The following GABRG1 variants were observed in gnomAD, a reference collection of about 807,000 sequenced individuals.
GABRG1 encodes the protein gamma-aminobutyric acid receptor subunit gamma-1.
A neutral mutation model predicts 49.8 loss-of-function variants in GABRG1; 49 were observed. That is an observed-to-expected ratio of 0.98 (90% CI 0.78 to 1.25). The LOEUF (loss-of-function observed/expected upper bound fraction) is 1.25. GABRG1 is among the 50% of genes most tolerant of loss of function. GABRG1 has a pLI of 0.00. For missense variants in GABRG1, 552 were observed against 552.3 expected, an observed-to-expected ratio of 1.00 and a Z score of 0.01; for synonymous variants, 232 against 185.1, an observed-to-expected ratio of 1.25 and a Z score of -2.06.
chr4:46,090,287 C>G (rs1398777164), intron 2 of GABRG1, among the ~76,000 whole-genome samples: 1 of 152,032 alleles, frequency 6.6e-6, no homozygotes, highest in Non-Finnish European at 1.5e-5. Flanking sequence ...GATGCTATCA[C>G]AATTGTATAT....
In GABRG1 at chr4:46,039,195, T is replaced by G. The variant is rs1277834260; in HGVS notation, c.*1793A>C. On this transcript the variant is annotated 3_prime_UTR_variant, in exon 9 of 9. Transcript: ENST00000295452. ...AATGTTATTAAAATGAATGTATGAATAATCTGTAAATGAATATATAGATGG... is the reference window on the plus strand; with the variant it reads ...AATGTTATTAAAATGAATGTATGAAGAATCTGTAAATGAATATATAGATGG... 6.6e-6 allele frequency: 1 copy of G among 151,694 alleles called. No homozygotes were observed. Among genetic ancestry groups the G allele is most frequent in the Non-Finnish European group, 1.5e-5 (1 of 67,716 alleles). 9.4% of individuals were successfully genotyped at this position (151,694 alleles called of 1,614,324 possible).
In GABRG1 at chr4:46,058,492, C is replaced by A. The variant is rs139933358; in HGVS notation, c.756G>T (p.Thr252=). The change falls in exon 6 of 9, where the codon ACG becomes ACT. Residue 252 remains threonine, a synonymous_variant. Coordinates refer to ENST00000295452, the MANE Select transcript of GABRG1 (RefSeq NM_173536.4). ...GLRNSTEITH[T]ISGDYVIMTI... ...TTTGAGTATTCTTTTTACCAGAGAT[C>A]GTGTGAGTGATTTCAGTTGAGTTCC... 2.9e-4 allele frequency: 466 copies of A among 1,612,374 alleles called. 3 individuals are homozygous for A. The East Asian group carries it at 9.3e-3, about 32-fold the overall frequency.
intron 3 of GABRG1, among the ~76,000 whole-genome samples, chr4:46,073,300 T>A (rs2109415072): frequency 6.6e-6 from 1 of 152,092 alleles, no homozygotes; most frequent in Middle Eastern, 3.4e-3. Context: ...TTTCCCTCAT[T>A]TTAATTGAGA....
chr4:46,077,007 A>T (rs564117469), intron 3 of GABRG1, among the ~76,000 whole-genome samples: 1 of 151,642 alleles, frequency 6.6e-6, no homozygotes, highest in East Asian at 2.0e-4. Context: ...TCATTACTAA[A>T]TAATATGCAA....
chr4:46,123,414 TAAC>T (rs767777328), intron 1 of GABRG1, among the ~76,000 whole-genome samples: 2 of 152,092 alleles, frequency 1.3e-5, no homozygotes, highest in African/African-American at 2.4e-5. Flanking sequence ...TCATGCTGTG[TAAC>T]AACAAGTTTC....
At chr4:46,108,603 T>C (rs1720630162) in intron 1 of GABRG1, among the ~76,000 whole-genome samples, 1 of 150,946 alleles carries the variant, frequency 6.6e-6, no homozygotes, top group South Asian at 2.1e-4. Context: ...CCACTATCCT[T>C]ACCACTCTCC....
intron 1 of GABRG1, among the ~76,000 whole-genome samples, chr4:46,122,297 T>A (rs1560378986): frequency 6.6e-6 from 1 of 152,164 alleles, no homozygotes; most frequent in Non-Finnish European, 1.5e-5. Flanking sequence ...GCTTGCCTAT[T>A]TGTTTGAAAG....
At chr4:46,105,791 T>TA (rs1553883516) in intron 1 of GABRG1, among the ~76,000 whole-genome samples, 84 of 144,660 alleles carry the variant, frequency 5.8e-4, no homozygotes, top group African/African-American at 2.1e-3. Context: ...GGTAGATAGA[T>TA]GATAGATAGA....
intron 3 of GABRG1, among the ~76,000 whole-genome samples, chr4:46,074,956 T>C (rs6447495): frequency 0.57 from 85,849 of 151,412 alleles, 24,822 homozygotes; most frequent in African/African-American, 0.64. Context: ...GGGTGCTGAC[T>C]GAGTCACTTA....
Position 46,123,930 on chromosome 4 carries a change from C to G in GABRG1, c.-17G>C, listed in dbSNP as rs955003036. On this transcript the variant is annotated 5_prime_UTR_variant, in exon 1 of 9. Transcript: ENST00000295452. ...AGGACCCATCGGAATCGCTTTTTTA[C>G]GTGTGCTGCACTAGCTCAATTCTCC... is the stretch of plus-strand genomic sequence containing the variant. 6.3e-7 allele frequency: 1 copy of G among 1,586,416 alleles called. No individual in the cohort carries two copies. The highest frequency in any genetic ancestry group is 1.1e-5 in the South Asian group (1 of 90,372).
chr4:46,066,295 T>C (rs1313963904), intron 3 of GABRG1, among the ~76,000 whole-genome samples: 1 of 152,162 alleles, frequency 6.6e-6, no homozygotes, highest in Admixed American at 6.6e-5. Context: ...ACATTGTTTT[T>C]TGTCTAAAAA....
chr4:46,041,236 G>C lies in GABRG1; in HGVS notation c.1150C>G (p.Pro384Ala). 6.2e-7 allele frequency: 1 copy of C among 1,612,434 alleles called. No homozygotes were observed. Among genetic ancestry groups the C allele is most frequent in the Non-Finnish European group, 8.5e-7 (1 of 1,178,998 alleles). The stretch of plus-strand genomic sequence containing the variant: ...TTCATTGGAATCAGAGTGGATCCAG[G>C]ATGGAGACCAGGAGTCATCTGAGCA... ...NKASMTPGLHPGSTLIPMNNI... is the reference protein window; with the variant it reads ...NKASMTPGLHAGSTLIPMNNI... The change falls in exon 9 of 9, where the codon CCT becomes GCT. Residue 384 changes from proline (P) to alanine (A), a missense_variant. Pro to Ala is a conservative substitution (Grantham distance 27). Coordinates refer to ENST00000295452, the MANE Select transcript of GABRG1 (RefSeq NM_173536.4).
intron 1 of GABRG1, among the ~76,000 whole-genome samples, chr4:46,123,153 A>G (rs1270833902): frequency 4.0e-5 from 6 of 149,482 alleles, no homozygotes; most frequent in Non-Finnish European, 8.9e-5. Context: ...CAGAGCCAAG[A>G]CATTCATGTG....
In GABRG1 at chr4:46,037,305, T is replaced by C. The variant is rs913188178; in HGVS notation, c.*3683A>G. On this transcript the variant is annotated 3_prime_UTR_variant, in exon 9 of 9. Transcript: ENST00000295452. The stretch of plus-strand genomic sequence containing the variant: ...CCTTACATTAACTAGAGCAATGTGG[T>C]CAATAGTATTTGAAAACTCCATTTG... The C allele has an allele frequency of 2.0e-5, 3 of 151,850 alleles. No homozygotes were observed. Among genetic ancestry groups the C allele is most frequent in the African/African-American group, 7.2e-5 (3 of 41,404 alleles). The allele number at this position is 151,850 out of a possible 1,614,324, so 9.4% of individuals were successfully genotyped here.
rs1026180505 is a variant in GABRG1, at chr4:46,035,973, C to T, written c.*5015G>A. ...CTTTATTATACAAAGTGACTACAAA[C>T]ACTTAATAGATGCAAATAATTGTTA... On this transcript the variant is annotated 3_prime_UTR_variant, in exon 9 of 9. Coordinates refer to ENST00000295452, the MANE Select transcript of GABRG1 (RefSeq NM_173536.4). 2.0e-5 allele frequency: 3 copies of T among 151,844 alleles called. No individual in the cohort carries two copies. Among genetic ancestry groups the T allele is most frequent in the African/African-American group, 7.2e-5 (3 of 41,392 alleles). 9.4% of individuals were successfully genotyped at this position (151,844 alleles called of 1,614,324 possible).
At chr4:46,122,127 CCTGCA>C (rs1300368740) in intron 1 of GABRG1, among the ~76,000 whole-genome samples, 1 of 152,014 alleles carries the variant, frequency 6.6e-6, no homozygotes, top group African/African-American at 2.4e-5. Flanking sequence ...GGCTGCTAAA[CCTGCA>C]CTCTGTCCCT....
intron 5 of GABRG1, 45 bp downstream of exon 5, chr4:46,064,396 C>A: frequency 9.7e-7 from 1 of 1,033,490 alleles, no homozygotes; most frequent in Non-Finnish European, 1.4e-6. Flanking sequence ...TAAACAGCTT[C>A]TAAGGTTAAA....
At chr4:46,079,075 T>G (rs1719465876) in intron 3 of GABRG1, among the ~76,000 whole-genome samples, 1 of 151,242 alleles carries the variant, frequency 6.6e-6, no homozygotes, top group Admixed American at 6.6e-5. Flanking sequence ...AAGTTTTGTT[T>G]TTTTTTTTTC....
Position 46,036,630 on chromosome 4 carries a change from A to G in GABRG1, c.*4358T>C, listed in dbSNP as rs1000557429. On this transcript the variant is annotated 3_prime_UTR_variant, in exon 9 of 9. Transcript: ENST00000295452. ...TGTTAGTCAAAGCTTAATGTCTGCC[A>G]CTTTTCTTTCTATTTGGGCCTATCA... 1.1e-4 allele frequency: 17 copies of G among 152,008 alleles called. No homozygotes were observed. The highest frequency in any genetic ancestry group is 3.6e-4 in the African/African-American group (15 of 41,542). The allele number at this position is 152,008 out of a possible 1,614,324, so 9.4% of individuals were successfully genotyped here. A position where few individuals can be genotyped will look rare whatever the true frequency, so the allele number is the denominator to read the frequency against.
Sources: allele counts gnomAD v4.1 joint callset (sites outside exome capture counted in the v4.1 genomes callset), GRCh38; gene constraint gnomAD v4.1.1; transcripts MANE v1.5; gene names NCBI Gene and HGNC (gene_info 2026-07-23, HGNC 2026-07-21).